NAV2: variants seen among roughly 807,000 people sequenced by gnomAD.
NAV2 encodes the protein neuron navigator 2.
Under a neutral mutation model 223.2 loss-of-function variants are expected in NAV2, and 54 were observed. The observed-to-expected ratio is 0.24, with a 90% CI of 0.19 to 0.30. The LOEUF (loss-of-function observed/expected upper bound fraction) is 0.30. NAV2 is among the 10% of genes least tolerant of loss of function. The pLI is 1.00. For missense variants in NAV2, 2,806 were observed against 3,147.5 expected (o/e 0.89, Z 2.60); for synonymous variants, 1,279 against 1,239.3 (o/e 1.03, Z -0.67).
chr11:19,566,456 G>A (rs1348064558), intron 1 of NAV2, among the ~76,000 whole-genome samples: 2 of 152,208 alleles, frequency 1.3e-5, no homozygotes, highest in African/African-American at 2.4e-5. Flanking sequence ...TGAGTCAAAA[G>A]GAGACCATGA....
intron 1 of NAV2, among the ~76,000 whole-genome samples, chr11:19,614,818 C>G (rs2046747183): frequency 6.6e-6 from 1 of 152,128 alleles, no homozygotes; most frequent in Non-Finnish European, 1.5e-5. Context: ...GTCATGCCCT[C>G]CAGGTCACCG....
chr11:20,035,196 G>A (rs1378679495), intron 11 of NAV2, among the ~76,000 whole-genome samples: 1 of 152,054 alleles, frequency 6.6e-6, no homozygotes, highest in African/African-American at 2.4e-5. Flanking sequence ...GAACTGCAGG[G>A]TGGCAGTGGG....
intron 1 of NAV2, among the ~76,000 whole-genome samples, chr11:19,416,231 A>G (rs945691290): frequency 2.6e-5 from 4 of 152,224 alleles, no homozygotes; most frequent in Non-Finnish European, 2.9e-5. Context: ...TAAGCTGATA[A>G]GCAACTTCAG....
chr11:19,770,570 C>T (rs974070660), intron 1 of NAV2, among the ~76,000 whole-genome samples: 1 of 152,176 alleles, frequency 6.6e-6, no homozygotes, highest in African/African-American at 2.4e-5. Context: ...CCAGAGGCAC[C>T]TGGCAACCCT....
At chr11:19,415,752 G>A (rs545137582) in intron 1 of NAV2, among the ~76,000 whole-genome samples, 4 of 152,160 alleles carry the variant, frequency 2.6e-5, no homozygotes, top group South Asian at 2.1e-4. Flanking sequence ...CACCATGATC[G>A]AGTTGGCTTC....
At chr11:19,727,417 C>A (rs2051344349) in intron 1 of NAV2, among the ~76,000 whole-genome samples, 1 of 152,200 alleles carries the variant, frequency 6.6e-6, no homozygotes, top group Non-Finnish European at 1.5e-5. Flanking sequence ...TTCTTGAGTC[C>A]CCCAAATCAC....
At chr11:20,028,101 G>T (rs1377405410) in intron 11 of NAV2, among the ~76,000 whole-genome samples, 1 of 152,122 alleles carries the variant, frequency 6.6e-6, no homozygotes, top group South Asian at 2.1e-4. Context: ...GTGAAGTCTG[G>T]TTTACTTTCT....
chr11:19,433,126 A>G (rs777026618), intron 1 of NAV2, among the ~76,000 whole-genome samples: 10 of 152,186 alleles, frequency 6.6e-5, no homozygotes, highest in Non-Finnish European at 1.3e-4. Context: ...TTCAGACTTC[A>G]ATTCTGTCTT....
Position 19,713,896 on chromosome 11 carries a change from G to A in NAV2, c.201G>A (p.Gln67=), listed in dbSNP as rs1339062254. 1.9e-6 allele frequency: 3 copies of A among 1,613,636 alleles called. No individual in the cohort carries two copies. In the South Asian group the frequency reaches 3.3e-5, roughly 18 times the overall value. The change falls in exon 1 of 38, where the codon CAG becomes CAA. Residue 67 remains glutamine, a synonymous_variant. Coordinates refer to ENST00000349880, the MANE Select transcript of NAV2 (RefSeq NM_145117.5). This position sits in a 1 kb window ranked among gnomAD's most constrained non-coding sequence, Gnocchi z 7.2. ...PLKSQVLQGL[Q]EPAGEGLPLR... ...AATCGCAGGTGCTGCAGGGGCTGCA[G>A]GAGCCAGCGGGGGAGGGGCTCCCGC... is the stretch of plus-strand genomic sequence containing the variant.
intron 1 of NAV2, among the ~76,000 whole-genome samples, chr11:19,462,044 C>T (rs1357090532): frequency 2.0e-5 from 3 of 152,090 alleles, no homozygotes; most frequent in South Asian, 2.1e-4. Flanking sequence ...CCTGACCTCA[C>T]GTCATCCACC....
At chr11:19,987,124 G>A (rs1445181542) in intron 11 of NAV2, among the ~76,000 whole-genome samples, 1 of 152,182 alleles carries the variant, frequency 6.6e-6, no homozygotes, top group Non-Finnish European at 1.5e-5. Flanking sequence ...GTAGACTTGA[G>A]ACAATTTAAT....
intron 1 of NAV2, among the ~76,000 whole-genome samples, chr11:19,355,923 G>T (rs912085844): frequency 2.6e-5 from 4 of 152,126 alleles, no homozygotes; most frequent in Admixed American, 2.0e-4. Flanking sequence ...TGTGGTTAGG[G>T]GTCTGGATTG....
intron 1 of NAV2, among the ~76,000 whole-genome samples, chr11:19,542,291 C>T (rs2044361033): frequency 6.6e-6 from 1 of 152,202 alleles, no homozygotes; most frequent in African/African-American, 2.4e-5. Flanking sequence ...ATCTTCCATG[C>T]CTATCTTATT....
At chr11:19,592,996 T>C (rs1167147269) in intron 1 of NAV2, among the ~76,000 whole-genome samples, 3 of 152,182 alleles carry the variant, frequency 2.0e-5, no homozygotes, top group Non-Finnish European at 4.4e-5. Flanking sequence ...ACCAGGCAAT[T>C]GACTGTGTGA....
chr11:20,068,311 T>G lies in NAV2; in HGVS notation c.4909-13T>G. 1.2e-6 allele frequency: 2 copies of G among 1,613,870 alleles called. No individual in the cohort carries two copies. The highest frequency in any genetic ancestry group is 1.7e-6 in the Non-Finnish European group (2 of 1,179,712). ...CCCCCAAAGCATGTAACCCTCTCCC[T>G]TGTCATCTTTAGATTCGCAAGCTGC... On this transcript the variant is annotated splice_polypyrimidine_tract_variant and intron_variant, in intron 21 of 37. Transcript: ENST00000349880.
At chr11:19,777,124 C>A (rs2056308246) in intron 1 of NAV2, among the ~76,000 whole-genome samples, 1 of 150,174 alleles carries the variant, frequency 6.7e-6, no homozygotes, top group African/African-American at 2.4e-5. Flanking sequence ...TCGGCCGCCG[C>A]GGCCCCAGCG....
At chr11:19,595,650 G>A (rs2046186139) in intron 1 of NAV2, among the ~76,000 whole-genome samples, 1 of 151,572 alleles carries the variant, frequency 6.6e-6, no homozygotes, top group Non-Finnish European at 1.5e-5. Context: ...AACCACCCAA[G>A]CTCAAGTGAT....
intron 31 of NAV2, among the ~76,000 whole-genome samples, chr11:20,100,157 G>A (rs1565069635): frequency 6.6e-6 from 1 of 152,128 alleles, no homozygotes; most frequent in Non-Finnish European, 1.5e-5. Flanking sequence ...CTGAGGTTCT[G>A]GACAGCTAAC....
At chr11:19,392,195 CA>C (rs1849275869) in intron 1 of NAV2, among the ~76,000 whole-genome samples, 10 of 152,134 alleles carry the variant, frequency 6.6e-5, no homozygotes, top group Admixed American at 5.9e-4. Flanking sequence ...TGATTGTGCT[CA>C]TTGCAAACTA....
Sources: allele counts gnomAD v4.1 joint callset (sites outside exome capture counted in the v4.1 genomes callset), GRCh38; gene constraint gnomAD v4.1.1; non-coding constraint Gnocchi (gnomAD v3.1); transcripts MANE v1.5; gene names NCBI Gene and HGNC (gene_info 2026-07-23, HGNC 2026-07-21).